Variants in ATRAID observed in about 807,000 individuals in gnomAD.
ATRAID encodes the protein all-trans retinoic acid-induced differentiation factor.
Under a neutral mutation model 28.8 loss-of-function variants are expected in ATRAID, and 26 were observed. That is an observed-to-expected ratio of 0.90 (90% CI 0.66 to 1.25). The LOEUF (loss-of-function observed/expected upper bound fraction) is 1.25, where lower values mean the gene tolerates loss of function less well. Among genes scored for constraint, ATRAID ranks in the 50% most tolerant of loss-of-function variants. The pLI, the probability that ATRAID is intolerant of heterozygous loss-of-function variation, is 0.00. For synonymous variants in ATRAID, 131 were observed against 108.5 expected (o/e 1.21, Z -1.29); for missense variants, 308 against 285.9 (o/e 1.08, Z -0.56).
At chr2:27,212,653 G>C in intron 1 of ATRAID, 186 bp downstream of exon 1, 11 of 1,395,850 alleles carry the variant, frequency 7.9e-6, no homozygotes, top group Non-Finnish European at 1.0e-5. Context: ...CGGCGCCCCA[G>C]TCCTGCCGAC....
Position 27,216,995 on chromosome 2 carries a change from A to G in ATRAID, c.*47A>G. On this transcript the variant is annotated 3_prime_UTR_variant, in exon 7 of 7. Transcript: ENST00000380171. The stretch of plus-strand genomic sequence containing the variant: ...ACCTAAGATCAATCTGAACTATCTT[A>G]GCCCAGTCAGGGAGCTCTGCTTCCT... 6.7e-7 allele frequency: 1 copy of G among 1,497,110 alleles called. No individual in the cohort carries two copies. Among genetic ancestry groups the G allele is most frequent in the Non-Finnish European group, 9.1e-7 (1 of 1,093,658 alleles). The allele number at this position is 1,497,110 out of a possible 1,614,324, so 92.7% of individuals were successfully genotyped here.
chr2:27,212,523 C>A, intron 1 of ATRAID, 56 bp downstream of exon 1: 1 of 1,508,172 alleles, frequency 6.6e-7, no homozygotes, highest in Non-Finnish European at 8.8e-7. Flanking sequence ...AGCCGTGCGT[C>A]GCGCTCGCCA....
Position 27,212,097 on chromosome 2 carries a change from G to C in ATRAID, c.-272G>C. The C allele has an allele frequency of 7.0e-7, 1 of 1,426,856 alleles. No homozygotes were observed. Among genetic ancestry groups the C allele is most frequent in the Non-Finnish European group, 9.3e-7 (1 of 1,071,882 alleles). The allele number at this position is 1,426,856 out of a possible 1,614,324, so 88.4% of individuals were successfully genotyped here. On this transcript the variant is annotated 5_prime_UTR_variant, in exon 1 of 7. Transcript: ENST00000380171. ...GGACGCGGGGAACACCGGGCTGAGG[G>C]AGTCTGCAGTCGGCTCCGGGAAGCC...
chr2:27,213,402 T>A (rs1194229074), intron 2 of ATRAID, 104 bp downstream of exon 2: 2 of 1,414,420 alleles, frequency 1.4e-6, no homozygotes, highest in South Asian at 2.9e-5. Flanking sequence ...TGGTTTCAGC[T>A]GTAATCATCA....
chr2:27,212,752 AAT>A, intron 1 of ATRAID: 3 of 918,176 alleles, frequency 3.3e-6, no homozygotes, highest in Non-Finnish European at 4.5e-6. Flanking sequence ...CCTCTTGTGT[AAT>A]CTCTCTACGC....
At chr2:27,212,591 C>A (rs1266826412) in intron 1 of ATRAID, 124 bp downstream of exon 1, 1 of 1,450,514 alleles carries the variant, frequency 6.9e-7, no homozygotes, top group Non-Finnish European at 9.0e-7. Context: ...TGACGCTTCC[C>A]GACCCTGCCC....
intron 5 of ATRAID, among the ~76,000 whole-genome samples, 196 bp downstream of exon 5, chr2:27,215,949 G>T (rs2840026): frequency 6.6e-6 from 1 of 152,086 alleles, no homozygotes; most frequent in Non-Finnish European, 1.5e-5. Context: ...CACCAAACAG[G>T]CTTTGTGTGA....
Position 27,215,544 on chromosome 2 carries a change from CTG to C in ATRAID, c.365+2_365+3del, listed in dbSNP as rs752758549. ...CCGTGGCTTTACTCAGCTCCAGACT[CTG>C]TGAGTAAGGGTATGGGAAGAGAATC... On this transcript the variant is annotated splice_donor_variant and coding_sequence_variant, in exon 4 of 7. Transcript: ENST00000380171. LOFTEE classifies it high-confidence loss of function. 11 of 1,614,108 alleles carry C rather than the reference CTG, an allele frequency of 6.8e-6. No individual in the cohort carries two copies. The East Asian group carries it at 1.8e-4, about 26-fold the overall frequency.
Position 27,215,697 on chromosome 2 carries a change from TA to T in ATRAID, c.432del (p.Ile144MetfsTer94), listed in dbSNP as rs1674797133. 3.1e-6 allele frequency: 5 copies of T among 1,614,248 alleles called. No homozygotes were observed. Among genetic ancestry groups the T allele is most frequent in the Non-Finnish European group, 4.2e-6 (5 of 1,180,044 alleles). Reference protein sequence around the residue: ...INAWNTITSYIDNQICQGQKN... With the variant: ...INAWNTITSYXDNQICQGQKN... Reference sequence around the variant, plus strand: ...GCCTGGAATACTATCACCTCTTATATAGACAACCAAATCTGTCAAGGGCAAA... The same window carrying T: ...GCCTGGAATACTATCACCTCTTATATGACAACCAAATCTGTCAAGGGCAAA... On this transcript the variant is annotated frameshift_variant, in exon 5 of 7. Coordinates refer to ENST00000380171, the MANE Select transcript of ATRAID (RefSeq NM_001170795.4). LOFTEE classifies it high-confidence loss of function.
Position 27,215,751 on chromosome 2 carries a change from C to G in ATRAID, c.485C>G (p.Pro162Arg). ...AACCTTTGCAATAACACTGGGGACC[C>G]AGGTATGCTGTCTTACCTCCAAACT... is the stretch of plus-strand genomic sequence containing the variant. ...QKNLCNNTGD[P>R]EMCPENGSCV... Residue 162 changes from proline (P) to arginine (R), a missense_variant and splice_region_variant, in exon 5 of 7, where the codon CCA (proline) becomes CGA (arginine). By Grantham distance (103) the Pro-to-Arg change is moderately radical. Coordinates refer to ENST00000380171, the MANE Select transcript of ATRAID (RefSeq NM_001170795.4). 1.2e-6 allele frequency: 2 copies of G among 1,614,010 alleles called. No individual in the cohort carries two copies. The highest frequency in any genetic ancestry group is 1.7e-6 in the Non-Finnish European group (2 of 1,179,964).
intron 2 of ATRAID, 31 bp from the exon 3 acceptor site, chr2:27,215,290 C>CAA (rs1558521339): frequency 3.7e-6 from 6 of 1,605,416 alleles, no homozygotes; most frequent in Non-Finnish European, 5.1e-6. Flanking sequence ...AAGAGGAACA[C>CAA]ACAGTTATAT....
Position 27,213,306 on chromosome 2 carries a change from GA to G in ATRAID, c.221+10del. 1.2e-6 allele frequency: 2 copies of G among 1,612,338 alleles called. No homozygotes were observed. ...GAAGGGCACCATCTTGGGGTGAGGG[GA>G]AGACATCCCTAGATGCTGGATACAG... is the stretch of plus-strand genomic sequence containing the variant. On this transcript the variant is annotated intron_variant, in intron 2 of 6. Transcript: ENST00000380171.
Position 27,212,062 on chromosome 2 carries a change from C to G in ATRAID, c.-307C>G, listed in dbSNP as rs1270162198. ...GCCCGAGTTTCTGCGAAGCCGCGAC[C>G]TCGGCGTCCGGACGCGGGGAACACC... On this transcript the variant is annotated 5_prime_UTR_variant, in exon 1 of 7. Coordinates refer to ENST00000380171, the MANE Select transcript of ATRAID (RefSeq NM_001170795.4). 1 of 1,167,964 alleles carries G rather than the reference C, an allele frequency of 8.6e-7. No homozygotes were observed. The highest frequency in any genetic ancestry group is 1.2e-6 in the Non-Finnish European group (1 of 855,204). 72.4% of individuals were successfully genotyped at this position (1,167,964 alleles called of 1,614,324 possible).
Position 27,215,661 on chromosome 2 carries a change from G to A in ATRAID, c.395G>A (p.Gly132Glu), listed in dbSNP as rs560980025. 3.1e-6 allele frequency: 5 copies of A among 1,614,204 alleles called. No homozygotes were observed. The South Asian group carries it at 5.5e-5, about 18-fold the overall frequency. ...LILPQHVNCPGGINAWNTITS... is the reference protein window; with the variant it reads ...LILPQHVNCPEGINAWNTITS... ...CTGCCACAACATGTCAACTGTCCTG[G>A]AGGAATTAATGCCTGGAATACTATC... Residue 132 changes from glycine to glutamate, a missense_variant, in exon 5 of 7, where the codon GGA becomes GAA. Physicochemically the swap from Gly to Glu is moderately conservative, Grantham distance 98 (BLOSUM62 -2). Coordinates refer to ENST00000380171, the MANE Select transcript of ATRAID (RefSeq NM_001170795.4).
At chr2:27,215,204 G>T in intron 2 of ATRAID, 117 bp from the exon 3 acceptor site, 1 of 1,025,352 alleles carries the variant, frequency 9.8e-7, no homozygotes, top group Non-Finnish European at 1.5e-6. Context: ...GTGTGACTCT[G>T]AACACAGCTG....
chr2:27,212,989 C>T (rs1454989364), intron 1 of ATRAID, 188 bp from the exon 2 acceptor site: 2 of 684,852 alleles, frequency 2.9e-6, no homozygotes, highest in Non-Finnish European at 4.8e-6. Flanking sequence ...CGGCGCAGGA[C>T]TCTGGAGGAA....
Position 27,213,220 on chromosome 2 carries a change from T to C in ATRAID, c.143T>C (p.Val48Ala), listed in dbSNP as rs200308670. Residue 48 changes from valine (V) to alanine (A), a missense_variant, in exon 2 of 7, where the codon GTG becomes GCG. Coordinates refer to ENST00000380171, the MANE Select transcript of ATRAID (RefSeq NM_001170795.4). ...CPGSVQNLSK[V>A]AFYCKTTREL... ...GGGAGCGTGCAAAATTTGTCAAAAGTGGCCTTTTATTGTAAAACGACACGA... is the reference window on the plus strand; with the variant it reads ...GGGAGCGTGCAAAATTTGTCAAAAGCGGCCTTTTATTGTAAAACGACACGA... 22 of 1,614,176 alleles carry C rather than the reference T, an allele frequency of 1.4e-5. No homozygotes were observed. In the African/African-American group the frequency reaches 2.4e-4, roughly 18 times the overall value.
rs1208330601 is a variant in ATRAID, at chr2:27,213,704, A to G, written c.221+406A>G. On this transcript the variant is annotated intron_variant, in intron 2 of 6. Transcript: ENST00000380171. ...GACAAAATTCAAACCATTAAGTACC[A>G]TACTAGTCCCAACCCACTTTTCCAA... Among the ~76,000 whole-genome samples the G allele has an allele frequency of 3.3e-5, 5 of 152,172 alleles. No individual in the cohort carries two copies. In the East Asian group the frequency reaches 5.8e-4, roughly 18 times the overall value.
In ATRAID at chr2:27,213,315, C is replaced by T; in HGVS notation, c.221+17C>T. 1.2e-6 allele frequency: 2 copies of T among 1,611,240 alleles called. No homozygotes were observed. Among genetic ancestry groups the T allele is most frequent in the Non-Finnish European group, 1.7e-6 (2 of 1,177,784 alleles). ...CATCTTGGGGTGAGGGGAAGACATC[C>T]CTAGATGCTGGATACAGGCCATTCC... On this transcript the variant is annotated intron_variant, in intron 2 of 6. Coordinates refer to ENST00000380171, the MANE Select transcript of ATRAID (RefSeq NM_001170795.4).
Sources: gnomAD v4.1 joint callset for allele counts (sites outside exome capture counted in the v4.1 genomes callset) on GRCh38, gnomAD v4.1.1 for gene constraint, MANE v1.5 for transcripts, NCBI Gene and HGNC (gene_info 2026-07-23, HGNC 2026-07-21) for gene names.